The following NRXN3 variants were observed in gnomAD, a reference collection of about 807,000 sequenced individuals.
The protein encoded by NRXN3 is neurexin 3.
Under a neutral mutation model 137.6 loss-of-function variants are expected in NRXN3, and 32 were observed. The ratio of observed to expected loss-of-function variants is 0.23; its 90% CI spans 0.18 to 0.31. The LOEUF (loss-of-function observed/expected upper bound fraction) is 0.31. Among genes scored for constraint, NRXN3 ranks in the 10% least tolerant of loss-of-function variants. The pLI is 1.00. For synonymous variants in NRXN3, 798 were observed against 784.5 expected (o/e 1.02, Z -0.29); for missense variants, 1,574 against 2,062.5 (o/e 0.76, Z 4.59).
intron 15 of NRXN3, among the ~76,000 whole-genome samples, chr14:79,168,462 A>C (rs2061482563): frequency 6.6e-6 from 1 of 152,024 alleles, no homozygotes; most frequent in Non-Finnish European, 1.5e-5. Context: ...CTTACATTCT[A>C]CTTCTGTATT....
intron 8 of NRXN3, among the ~76,000 whole-genome samples, chr14:78,788,761 G>A (rs998619531): frequency 3.9e-5 from 6 of 152,028 alleles, no homozygotes; most frequent in Admixed American, 6.6e-5. Context: ...TCATCAAATG[G>A]CACAATTCAA....
intron 17 of NRXN3, among the ~76,000 whole-genome samples, chr14:79,688,236 G>A (rs1402572379): frequency 1.3e-5 from 2 of 152,030 alleles, no homozygotes; most frequent in African/African-American, 4.8e-5. Context: ...TCTATACTAA[G>A]TCCTATGGTA....
Position 79,467,261 on chromosome 14 carries a change from C to G in NRXN3, c.3303C>G (p.Ile1101Met), listed in dbSNP as rs753453175. Residue 1101 changes from isoleucine (I) to methionine (M), a missense_variant, in exon 16 of 21, where the codon ATC (isoleucine) becomes ATG (methionine). Physicochemically the swap from Ile to Met is conservative, Grantham distance 10 (BLOSUM62 1). Transcript: ENST00000335750. The stretch of plus-strand genomic sequence containing the variant: ...TCTTTGGGAAAAGTGGTGGGCTTAT[C>G]CTCTACACCTGGCCAGCCAATGACA... ...TYIFGKSGGLILYTWPANDRP... is the reference protein window; with the variant it reads ...TYIFGKSGGLMLYTWPANDRP... The G allele has an allele frequency of 6.2e-7, 1 of 1,611,596 alleles. No individual in the cohort carries two copies. The highest frequency in any genetic ancestry group is 1.1e-5 in the South Asian group (1 of 90,982).
chr14:78,580,973 C>T (rs183665964), intron 4 of NRXN3, among the ~76,000 whole-genome samples: 145 of 152,270 alleles, frequency 9.5e-4, no homozygotes, highest in African/African-American at 2.8e-3. Flanking sequence ...TACTGTTCTA[C>T]GAACACAAGA....
chr14:78,548,804 T>C, intron 4 of NRXN3, among the ~76,000 whole-genome samples: 1 of 152,192 alleles, frequency 6.6e-6, no homozygotes, highest in East Asian at 1.9e-4. Context: ...TCCCATCAAA[T>C]GCTTGTTCCA....
At chr14:79,257,411 G>A (rs982658500) in intron 15 of NRXN3, among the ~76,000 whole-genome samples, 1 of 79,764 alleles carries the variant, frequency 1.3e-5, no homozygotes, top group Non-Finnish European at 2.5e-5. Context: ...TGGTGGTGGT[G>A]GTGATGGTGG....
At chr14:78,471,855 C>T (rs984207378) in intron 4 of NRXN3, among the ~76,000 whole-genome samples, 1 of 152,190 alleles carries the variant, frequency 6.6e-6, no homozygotes, top group Admixed American at 6.5e-5. Flanking sequence ...CCCTCAAATA[C>T]TGAACAGGAT....
At chr14:79,839,490 A>C (rs746016236) in intron 20 of NRXN3, among the ~76,000 whole-genome samples, 4 of 152,180 alleles carry the variant, frequency 2.6e-5, no homozygotes, top group African/African-American at 4.8e-5. Flanking sequence ...TTTTAAAATC[A>C]GATTATTAGT....
chr14:78,995,552 A>T (rs897418123), intron 15 of NRXN3, among the ~76,000 whole-genome samples: 1 of 152,216 alleles, frequency 6.6e-6, no homozygotes, highest in Non-Finnish European at 1.5e-5. Flanking sequence ...AATAAATTTT[A>T]CAAACATAAA....
At chr14:78,709,157 G>A in intron 6 of NRXN3, 60 bp from the exon 7 acceptor site, 1 of 1,503,466 alleles carries the variant, frequency 6.7e-7, no homozygotes, top group Non-Finnish European at 9.0e-7. Flanking sequence ...CCCAGTGAGT[G>A]ATGGATGGAT....
At chr14:79,561,861 C>A (rs2097501265) in intron 16 of NRXN3, among the ~76,000 whole-genome samples, 1 of 152,142 alleles carries the variant, frequency 6.6e-6, no homozygotes, top group Non-Finnish European at 1.5e-5. Flanking sequence ...ACTGATGTAA[C>A]TTTTGTTCAT....
At chr14:78,854,379 C>A (rs1262266766) in intron 10 of NRXN3, among the ~76,000 whole-genome samples, 1 of 151,978 alleles carries the variant, frequency 6.6e-6, no homozygotes, top group East Asian at 1.9e-4. Context: ...TCTAGCTTTA[C>A]CTTTTTTTTT....
chr14:78,351,450 A>G (rs2083477916), intron 4 of NRXN3, among the ~76,000 whole-genome samples: 1 of 152,204 alleles, frequency 6.6e-6, no homozygotes, highest in East Asian at 1.9e-4. Flanking sequence ...TCCCACCAAT[A>G]GTAGACGTTC....
intron 14 of NRXN3, among the ~76,000 whole-genome samples, chr14:78,970,391 T>C (rs2099433059): frequency 6.7e-6 from 1 of 149,574 alleles, no homozygotes; most frequent in South Asian, 2.1e-4. Context: ...AAATTATCAA[T>C]ATTTTGCACT....
chr14:78,624,404 A>T (rs2097434263), intron 4 of NRXN3, among the ~76,000 whole-genome samples: 1 of 152,204 alleles, frequency 6.6e-6, no homozygotes, highest in African/African-American at 2.4e-5. Context: ...AAGCACTCGA[A>T]GCAGAACAGA....
intron 15 of NRXN3, among the ~76,000 whole-genome samples, chr14:79,211,063 G>T (rs972691319): frequency 3.9e-5 from 6 of 151,958 alleles, no homozygotes; most frequent in Non-Finnish European, 5.9e-5. Flanking sequence ...TCATTTCTTT[G>T]GACAAGTATG....
chr14:78,387,267 G>A lies in NRXN3; in HGVS notation c.757+89407G>A, dbSNP rs574157148. Among the ~76,000 whole-genome samples the A allele has an allele frequency of 2.0e-4, 30 of 152,236 alleles. 1 individual carries two copies. In the East Asian group the frequency reaches 5.8e-3, roughly 29 times the overall value. On this transcript the variant is annotated intron_variant, in intron 4 of 20. Coordinates refer to ENST00000335750, the MANE Select transcript of NRXN3 (RefSeq NM_001330195.2). ...AATGTCTTTCATCCTCATAAAAAAA[G>A]TACCAAAGTATTTGATTTTTTTGGG...
intron 8 of NRXN3, among the ~76,000 whole-genome samples, chr14:78,763,059 G>A (rs17108212): frequency 0.066 from 10,080 of 152,256 alleles, 465 homozygotes; most frequent in South Asian, 0.14. Flanking sequence ...TGGAGTAAGG[G>A]TGGCAGGGAC....
intron 3 of NRXN3, among the ~76,000 whole-genome samples, chr14:78,285,009 T>A (rs935989042): frequency 1.3e-5 from 2 of 152,196 alleles, no homozygotes; most frequent in Non-Finnish European, 2.9e-5. Context: ...GAATTCTGCT[T>A]GGTAGTTCTG....
Sources: gnomAD v4.1 joint callset for allele counts (sites outside exome capture counted in the v4.1 genomes callset) on GRCh38, gnomAD v4.1.1 for gene constraint, MANE v1.5 for transcripts, NCBI Gene and HGNC (gene_info 2026-07-23, HGNC 2026-07-21) for gene names.